The following STXBP5L variants were observed in gnomAD, a reference collection of about 807,000 sequenced individuals.
The protein encoded by STXBP5L is syntaxin binding protein 5L.
STXBP5L carries 65 observed loss-of-function variants against 144.5 expected under a neutral mutation model. The observed-to-expected ratio is 0.45, with a 90% CI of 0.37 to 0.55. STXBP5L has a LOEUF of 0.55. STXBP5L is among the 20% of genes least tolerant of loss of function. STXBP5L has a pLI of 0.00. For synonymous variants in STXBP5L, 505 were observed against 469.6 expected (o/e 1.08, Z -0.97); for missense variants, 1,298 against 1,405.5 (o/e 0.92, Z 1.22).
chr3:120,993,401 G>T (rs1297780589), intron 3 of STXBP5L, among the ~76,000 whole-genome samples: 2 of 151,978 alleles, frequency 1.3e-5, no homozygotes, highest in African/African-American at 2.4e-5. Context: ...ATGTACTGCA[G>T]TGTTTCCCCT....
In STXBP5L at chr3:121,153,631, T is replaced by G. The variant is rs534739164; in HGVS notation, c.753+1071T>G. ...CTCCCATCCCCCTCATAACAGTTAA[T>G]TTTTTAAGTTTCGGTGCTTAAAGAT... is the stretch of plus-strand genomic sequence containing the variant. On this transcript the variant is annotated intron_variant, in intron 8 of 26. Coordinates refer to ENST00000471454, the MANE Select transcript of STXBP5L (RefSeq NM_001308330.2). Among the ~76,000 whole-genome samples, 3 of 152,072 alleles carry G rather than the reference T, an allele frequency of 2.0e-5. No homozygotes were observed. The South Asian group carries it at 6.2e-4, about 31-fold the overall frequency.
chr3:121,292,212 A>T (rs897209572), intron 19 of STXBP5L, among the ~76,000 whole-genome samples: 9 of 152,156 alleles, frequency 5.9e-5, no homozygotes, highest in Non-Finnish European at 1.2e-4. Context: ...AAATCAAATA[A>T]TCCCATCAAA....
At chr3:121,329,095 A>G (rs16832258) in intron 20 of STXBP5L, among the ~76,000 whole-genome samples, 2,932 of 152,178 alleles carry the variant, frequency 0.019, 88 homozygotes, top group African/African-American at 0.066. Context: ...ATGCACATCT[A>G]TGTCTAATTC....
chr3:121,227,390 C>G (rs1280988087), intron 11 of STXBP5L, among the ~76,000 whole-genome samples: 1 of 152,024 alleles, frequency 6.6e-6, no homozygotes. Flanking sequence ...GACCAGCCTG[C>G]ACAACATAGC....
chr3:120,976,797 T>G (rs1212030919), intron 3 of STXBP5L, among the ~76,000 whole-genome samples: 1 of 152,220 alleles, frequency 6.6e-6, no homozygotes, highest in African/African-American at 2.4e-5. Context: ...TTCATTTCGT[T>G]ATGTACCCAG....
At chr3:121,033,944 A>G (rs1408165418) in intron 3 of STXBP5L, among the ~76,000 whole-genome samples, 2 of 152,048 alleles carry the variant, frequency 1.3e-5, no homozygotes, top group Non-Finnish European at 1.5e-5. Context: ...TAAAAATAGT[A>G]TTTTCTCATG....
chr3:120,959,723 T>G (rs1015409280), intron 3 of STXBP5L, among the ~76,000 whole-genome samples: 10 of 152,156 alleles, frequency 6.6e-5, no homozygotes, highest in Non-Finnish European at 1.3e-4. Flanking sequence ...TGAAACTGGA[T>G]CCCTTCCTTA....
At chr3:121,407,635 CACA>C (rs2047024066) in intron 23 of STXBP5L, 32 bp downstream of exon 23, 3 of 1,611,572 alleles carry the variant, frequency 1.9e-6, no homozygotes, top group Non-Finnish European at 2.5e-6. Context: ...ATCTGGTAAT[CACA>C]ACAATACCAG....
chr3:121,104,204 G>T (rs2043575741), intron 5 of STXBP5L, among the ~76,000 whole-genome samples: 1 of 152,026 alleles, frequency 6.6e-6, no homozygotes, highest in Non-Finnish European at 1.5e-5. Flanking sequence ...AACTTATATG[G>T]TAGGTAACAA....
intron 5 of STXBP5L, among the ~76,000 whole-genome samples, chr3:121,049,350 G>T (rs1305516627): frequency 1.3e-5 from 2 of 152,140 alleles, no homozygotes; most frequent in African/African-American, 4.8e-5. Flanking sequence ...TAAGAGTCCA[G>T]TGTGGGGTGG....
chr3:121,293,690 TCTCTACTAAAAATA>T (rs2051536150), intron 19 of STXBP5L, among the ~76,000 whole-genome samples: 1 of 152,108 alleles, frequency 6.6e-6, no homozygotes, highest in Admixed American at 6.5e-5. Flanking sequence ...CGAAACCCTG[TCTCTACTAAAAATA>T]CAAAAAATTA....
At chr3:121,222,533 G>A (rs939030953) in intron 10 of STXBP5L, among the ~76,000 whole-genome samples, 2 of 152,066 alleles carry the variant, frequency 1.3e-5, no homozygotes, top group Middle Eastern at 3.4e-3. Context: ...TTTACCCTCT[G>A]CCATTCTGAG....
intron 22 of STXBP5L, among the ~76,000 whole-genome samples, chr3:121,386,963 C>A (rs1323124310): frequency 1.3e-5 from 2 of 152,132 alleles, no homozygotes; most frequent in East Asian, 3.9e-4. Context: ...AGTTCCAGAT[C>A]CTTGAGGAAT....
chr3:121,054,101 G>T (rs1449727119), intron 5 of STXBP5L, among the ~76,000 whole-genome samples: 2 of 152,164 alleles, frequency 1.3e-5, no homozygotes, highest in African/African-American at 4.8e-5. Context: ...ACAGGTGCTG[G>T]AGAGGATGTG....
At chr3:121,342,784 G>A (rs550583159) in intron 20 of STXBP5L, among the ~76,000 whole-genome samples, 2,157 of 146,014 alleles carry the variant, frequency 0.015, 50 homozygotes, top group African/African-American at 0.052. Context: ...CTTTGCTATT[G>A]TGAATAGTGC....
intron 5 of STXBP5L, among the ~76,000 whole-genome samples, chr3:121,085,679 C>A (rs1483024756): frequency 1.3e-5 from 2 of 152,112 alleles, no homozygotes; most frequent in Non-Finnish European, 2.9e-5. Flanking sequence ...AGAGAGGACA[C>A]AAACAAATGT....
At chr3:121,258,307 CA>C (rs1228742340) in intron 17 of STXBP5L, among the ~76,000 whole-genome samples, 1 of 152,098 alleles carries the variant, frequency 6.6e-6, no homozygotes, top group Non-Finnish European at 1.5e-5. Context: ...ATTTGCCACT[CA>C]AAAAACTTTA....
intron 5 of STXBP5L, among the ~76,000 whole-genome samples, chr3:121,061,562 G>T (rs907767446): frequency 2.6e-5 from 4 of 152,200 alleles, no homozygotes; most frequent in African/African-American, 9.7e-5. Flanking sequence ...AATATTGACA[G>T]TGGGGTGTTA....
At chr3:121,259,011 T>G in intron 17 of STXBP5L, 32 bp from the exon 18 acceptor site, 1 of 1,528,820 alleles carries the variant, frequency 6.5e-7, no homozygotes, top group Non-Finnish European at 8.8e-7. Flanking sequence ...TTATTTAAGC[T>G]GTATATAATA....
Sources: allele counts gnomAD v4.1 joint callset (sites outside exome capture counted in the v4.1 genomes callset), GRCh38; gene constraint gnomAD v4.1.1; transcripts MANE v1.5; gene names NCBI Gene and HGNC (gene_info 2026-07-23, HGNC 2026-07-21).